Variants in C1orf53 observed in about 807,000 individuals in gnomAD.
C1orf53 encodes the protein uncharacterized protein C1orf53.
C1orf53 carries 23 observed loss-of-function variants against 17.5 expected under a neutral mutation model. That is an observed-to-expected ratio of 1.31 (90% CI 0.94 to 1.86). The LOEUF (loss-of-function observed/expected upper bound fraction) is 1.86. Ranked by LOEUF, C1orf53 falls within the 40% of genes most tolerant of loss-of-function variation. The pLI is 0.00. For missense variants in C1orf53, 255 were observed against 193.2 expected (o/e 1.32, Z -1.89); for synonymous variants, 108 against 81.9 (o/e 1.32, Z -1.72).
intron 1 of C1orf53, 72 bp downstream of exon 1, chr1:197,902,985 C>G: frequency 1.6e-6 from 2 of 1,283,482 alleles, no homozygotes; most frequent in Non-Finnish European, 2.0e-6. Flanking sequence ...CATCCCGGGC[C>G]TCTCCGGACC....
At position 197,907,127 on chromosome 1, in the gene C1orf53, ATTTG is replaced by A; in HGVS notation, c.367-18_367-15del. 7.1e-7 allele frequency: 1 copy of A among 1,405,644 alleles called. No homozygotes were observed. The highest frequency in any genetic ancestry group is 9.9e-7 in the Non-Finnish European group (1 of 1,011,426). The allele number at this position is 1,405,644 out of a possible 1,614,324, so 87.1% of individuals were successfully genotyped here. On this transcript the variant is annotated intron_variant, in intron 2 of 2. Coordinates refer to ENST00000367393, the MANE Select transcript of C1orf53 (RefSeq NM_001024594.3). ...ATGATTGTTAAATAATTTAATAATA[ATTTG>A]TTTTATTTCTTCTGCAGTGTCCATA...
intron 1 of C1orf53, among the ~76,000 whole-genome samples, chr1:197,903,704 A>G (rs867641808): frequency 2.0e-5 from 3 of 152,210 alleles, no homozygotes; most frequent in Non-Finnish European, 2.9e-5. Context: ...ATATGGTATG[A>G]CTTGAGCCAA....
intron 1 of C1orf53, 90 bp from the exon 2 acceptor site, chr1:197,905,706 T>A: frequency 1.1e-6 from 1 of 916,342 alleles, no homozygotes; most frequent in South Asian, 1.5e-5. Flanking sequence ...TGTTTAAAAT[T>A]TTTCTGCAGT....
Position 197,902,640 on chromosome 1 carries a change from C to G in C1orf53, c.-10C>G, listed in dbSNP as rs1485039068. The G allele has an allele frequency of 2.1e-6, 3 of 1,415,696 alleles. No homozygotes were observed. Among genetic ancestry groups the G allele is most frequent in the Non-Finnish European group, 2.8e-6 (3 of 1,090,540 alleles). 87.7% of individuals were successfully genotyped at this position (1,415,696 alleles called of 1,614,324 possible). ...CGCCGGGTGCTCCGCCTCCCAAGGC[C>G]GGCGGCGGCATGGCGGCCAGGCAGA... On this transcript the variant is annotated 5_prime_UTR_variant, in exon 1 of 3. Coordinates refer to ENST00000367393, the MANE Select transcript of C1orf53 (RefSeq NM_001024594.3).
intron 1 of C1orf53, 77 bp downstream of exon 1, chr1:197,902,990 CG>C: frequency 7.9e-7 from 1 of 1,273,594 alleles, no homozygotes; most frequent in Non-Finnish European, 1.0e-6. Context: ...CGGGCCTCTC[CG>C]GACCCGGAGG....
At position 197,902,954 on chromosome 1, in the gene C1orf53, C is replaced by T. The variant is rs373400755; in HGVS notation, c.264+41C>T. 4.4e-4 allele frequency: 589 copies of T among 1,334,100 alleles called. 5 individuals carry two copies. The East Asian group carries it at 0.018, about 40-fold the overall frequency. The allele number at this position is 1,334,100 out of a possible 1,614,324, so 82.6% of individuals were successfully genotyped here. The stretch of plus-strand genomic sequence containing the variant: ...GCCCGCCCCGCCCCGCCGCGGCCGC[C>T]CCGGGCTCGGCGCGCCTGCGCATCC... On this transcript the variant is annotated intron_variant, in intron 1 of 2. Coordinates refer to ENST00000367393, the MANE Select transcript of C1orf53 (RefSeq NM_001024594.3).
chr1:197,902,994 C>G lies in C1orf53; in HGVS notation c.264+81C>G, dbSNP rs1659455541. Reference sequence around the variant, plus strand: ...CCTGCGCATCCCGGGCCTCTCCGGACCCGGAGGCCGCCCGGCAGAGGCAAA... The same window carrying G: ...CCTGCGCATCCCGGGCCTCTCCGGAGCCGGAGGCCGCCCGGCAGAGGCAAA... On this transcript the variant is annotated intron_variant, in intron 1 of 2. Coordinates refer to ENST00000367393, the MANE Select transcript of C1orf53 (RefSeq NM_001024594.3). The G allele has an allele frequency of 3.2e-6, 4 of 1,247,894 alleles. No individual in the cohort carries two copies. In the African/African-American group the frequency reaches 4.7e-5, roughly 15 times the overall value. 77.3% of individuals were successfully genotyped at this position (1,247,894 alleles called of 1,614,324 possible).
chr1:197,905,656 T>C, intron 1 of C1orf53, 140 bp from the exon 2 acceptor site: 1 of 618,290 alleles, frequency 1.6e-6, no homozygotes, highest in Non-Finnish European at 2.9e-6. Context: ...TGGTCTTTAA[T>C]TGCAAGTGCC....
In C1orf53 at chr1:197,907,168, A is replaced by T; in HGVS notation, c.386A>T (p.Asn129Ile). The T allele has an allele frequency of 6.3e-7, 1 of 1,577,348 alleles. No homozygotes were observed. Among genetic ancestry groups the T allele is most frequent in the Non-Finnish European group, 8.7e-7 (1 of 1,153,468 alleles). Residue 129 changes from asparagine (N) to isoleucine (I), a missense_variant, in exon 3 of 3, where the codon AAT (asparagine) becomes ATT (isoleucine). By Grantham distance (149) the Asn-to-Ile change is moderately radical (BLOSUM62 -3). Coordinates refer to ENST00000367393, the MANE Select transcript of C1orf53 (RefSeq NM_001024594.3). ...ACRHCPYGQVNVKDPSKKKQF... is the reference protein window; with the variant it reads ...ACRHCPYGQVIVKDPSKKKQF... ...CTGCAGTGTCCATATGGTCAAGTCA[A>T]TGTTAAAGATCCATCTAAAAAGAAG... is the stretch of plus-strand genomic sequence containing the variant.
rs1263772845 is a variant in C1orf53 at position 197,902,761 on chromosome 1, A to C, written c.112A>C (p.Ser38Arg). ...AAGAGCTGGGTTCCGACAGCAGCTCAGCTTAACCCTCTGCCCTGCTAACGA... is the reference window on the plus strand; with the variant it reads ...AAGAGCTGGGTTCCGACAGCAGCTCCGCTTAACCCTCTGCCCTGCTAACGA... ...WVRAGFRQQL[S>R]LTLCPANEGN... Residue 38 changes from serine (S) to arginine (R), a missense_variant, in exon 1 of 3, where the codon AGC (serine) becomes CGC (arginine). Coordinates refer to ENST00000367393, the MANE Select transcript of C1orf53 (RefSeq NM_001024594.3). 7 of 1,575,324 alleles carry C rather than the reference A, an allele frequency of 4.4e-6. No homozygotes were observed. The highest frequency in any genetic ancestry group is 5.1e-6 in the Non-Finnish European group (6 of 1,168,544).
At chr1:197,902,975 C>A in intron 1 of C1orf53, 62 bp downstream of exon 1, 1 of 1,309,222 alleles carries the variant, frequency 7.6e-7, no homozygotes, top group Non-Finnish European at 9.7e-7. Flanking sequence ...CGCGCCTGCG[C>A]ATCCCGGGCC....
chr1:197,902,930 C>T lies in C1orf53; in HGVS notation c.264+17C>T, dbSNP rs933530831. ...GCCTGCGCGGTGAGACTCCCTCCTG[C>T]CCGCCCCGCCCCGCCGCGGCCGCCC... On this transcript the variant is annotated intron_variant, in intron 1 of 2. Coordinates refer to ENST00000367393, the MANE Select transcript of C1orf53 (RefSeq NM_001024594.3). 8.9e-6 allele frequency: 12 copies of T among 1,347,704 alleles called. No individual in the cohort carries two copies. Among genetic ancestry groups the T allele is most frequent in the Admixed American group, 7.9e-5 (2 of 25,188 alleles). 83.5% of individuals were successfully genotyped at this position (1,347,704 alleles called of 1,614,324 possible).
At position 197,902,938 on chromosome 1, in the gene C1orf53, G is replaced by T. The variant is rs912213077; in HGVS notation, c.264+25G>T. 5.2e-6 allele frequency: 7 copies of T among 1,344,582 alleles called. No homozygotes were observed. The African/African-American group carries it at 1.1e-4, about 21-fold the overall frequency. The allele number at this position is 1,344,582 out of a possible 1,614,324, so 83.3% of individuals were successfully genotyped here. ...GGTGAGACTCCCTCCTGCCCGCCCC[G>T]CCCCGCCGCGGCCGCCCCGGGCTCG... On this transcript the variant is annotated intron_variant, in intron 1 of 2. Transcript: ENST00000367393.
At position 197,902,679 on chromosome 1, in the gene C1orf53, G is replaced by A. The variant is rs562687014; in HGVS notation, c.30G>A (p.Thr10=). The A allele has an allele frequency of 9.0e-5, 134 of 1,496,164 alleles. No individual in the cohort carries two copies. Among genetic ancestry groups the A allele is most frequent in the Non-Finnish European group, 1.1e-4 (126 of 1,130,258 alleles). The allele number at this position is 1,496,164 out of a possible 1,614,324, so 92.7% of individuals were successfully genotyped here. MAARQIWAR[T]GAALCRQPSA... Reference sequence around the variant, plus strand: ...CGGCCAGGCAGATCTGGGCACGGACGGGTGCCGCGCTCTGCAGGCAACCTT... The same window carrying A: ...CGGCCAGGCAGATCTGGGCACGGACAGGTGCCGCGCTCTGCAGGCAACCTT... The change falls in exon 1 of 3, where the codon ACG becomes ACA. Residue 10 remains threonine, a synonymous_variant. Transcript: ENST00000367393.
intron 1 of C1orf53, among the ~76,000 whole-genome samples, chr1:197,904,501 G>GT (rs1003250178): frequency 8.5e-5 from 13 of 152,136 alleles, no homozygotes; most frequent in African/African-American, 3.1e-4. Context: ...AGTTCCTAGT[G>GT]TTTTTTTGTT....
At chr1:197,905,188 T>C (rs1659503526) in intron 1 of C1orf53, among the ~76,000 whole-genome samples, 1 of 152,222 alleles carries the variant, frequency 6.6e-6, no homozygotes, top group Admixed American at 6.5e-5. Context: ...GCTGTGAGTG[T>C]TAATATGTTA....
Position 197,907,290 on chromosome 1 carries a change from C to A in C1orf53, c.*70C>A. On this transcript the variant is annotated 3_prime_UTR_variant, in exon 3 of 3. Transcript: ENST00000367393. Reference sequence around the variant, plus strand: ...AAAATAAAGCCCCAATTCAGAATTGCTGGATTATTAGTACTTGAACACTAG... The same window carrying A: ...AAAATAAAGCCCCAATTCAGAATTGATGGATTATTAGTACTTGAACACTAG... The A allele has an allele frequency of 1.2e-6, 1 of 816,838 alleles. No homozygotes were observed. The highest frequency in any genetic ancestry group is 2.6e-5 in the Admixed American group (1 of 38,460). 50.6% of individuals were successfully genotyped at this position (816,838 alleles called of 1,614,324 possible). A position where few individuals can be genotyped will look rare whatever the true frequency, so the allele number is the denominator to read the frequency against.
rs1659533757 is a variant in C1orf53 at position 197,907,184 on chromosome 1, T to C, written c.402T>C (p.Ser134=). ...PYGQVNVKDP[S]KKKQFNSYFY... ...GTCAAGTCAATGTTAAAGATCCATCTAAAAAGAAGCAATTCAATTCATATT... is the reference window on the plus strand; with the variant it reads ...GTCAAGTCAATGTTAAAGATCCATCCAAAAAGAAGCAATTCAATTCATATT... The change falls in exon 3 of 3, where the codon TCT becomes TCC. Residue 134 remains serine, a synonymous_variant. Coordinates refer to ENST00000367393, the MANE Select transcript of C1orf53 (RefSeq NM_001024594.3). 2 of 1,584,468 alleles carry C rather than the reference T, an allele frequency of 1.3e-6. No homozygotes were observed. Among genetic ancestry groups the C allele is most frequent in the Non-Finnish European group, 1.7e-6 (2 of 1,157,302 alleles).
At chr1:197,902,986 T>C in intron 1 of C1orf53, 73 bp downstream of exon 1, 3 of 1,280,370 alleles carry the variant, frequency 2.3e-6, no homozygotes, top group Non-Finnish European at 3.0e-6. Flanking sequence ...ATCCCGGGCC[T>C]CTCCGGACCC....
Sources: allele counts gnomAD v4.1 joint callset (sites outside exome capture counted in the v4.1 genomes callset), GRCh38; gene constraint gnomAD v4.1.1; transcripts MANE v1.5; gene names NCBI Gene and HGNC (gene_info 2026-07-23, HGNC 2026-07-21).